AKT3: variants seen among roughly 807,000 people sequenced by gnomAD.
AKT3 encodes AKT serine/threonine kinase 3, also known as RAC-gamma serine/threonine-protein kinase.
In AKT3, 15 loss-of-function variants were observed where a neutral mutation model predicts 65.3. That is an observed-to-expected ratio of 0.23 (90% CI 0.15 to 0.35). The LOEUF (loss-of-function observed/expected upper bound fraction) is 0.35. Ranked by LOEUF, AKT3 falls within the 10% of genes least tolerant of loss-of-function variation. The probability of loss-of-function intolerance (pLI) is 1.00; values close to 1 mark genes in which losing one functional copy is unlikely to be tolerated. For missense variants in AKT3, 243 were observed against 576.5 expected, an observed-to-expected ratio of 0.42 and a Z score of 5.92; for synonymous variants, 206 against 183.8, an observed-to-expected ratio of 1.12 and a Z score of -0.98.
At chr1:243,507,200 C>T (rs1669724008) in intron 13 of AKT3, among the ~76,000 whole-genome samples, 2 of 152,232 alleles carry the variant, frequency 1.3e-5, no homozygotes, top group Admixed American at 1.3e-4. Context: ...GGCCAGGACT[C>T]ATTCCAGCCC....
At chr1:243,553,322 G>C (rs1172008125) in intron 10 of AKT3, among the ~76,000 whole-genome samples, 1 of 152,196 alleles carries the variant, frequency 6.6e-6, no homozygotes, top group Non-Finnish European at 1.5e-5. Context: ...ACAACTCAGA[G>C]CTAGGGTGTG....
intron 4 of AKT3, among the ~76,000 whole-genome samples, chr1:243,659,732 A>G (rs1682130961): frequency 6.6e-6 from 1 of 152,232 alleles, no homozygotes; most frequent in Admixed American, 6.5e-5. Flanking sequence ...AAATAAATAT[A>G]AGACAGGTGA....
chr1:243,827,422 C>A (rs1220385056), intron 2 of AKT3, among the ~76,000 whole-genome samples: 2 of 152,080 alleles, frequency 1.3e-5, no homozygotes, highest in African/African-American at 4.8e-5. Flanking sequence ...AATTAAGATA[C>A]CCTCTGCCCT....
intron 4 of AKT3, among the ~76,000 whole-genome samples, chr1:243,656,176 C>A (rs1369174894): frequency 6.6e-6 from 1 of 151,902 alleles, no homozygotes; most frequent in Non-Finnish European, 1.5e-5. Flanking sequence ...AAGAGGGCAT[C>A]CAATCTTTTT....
intron 2 of AKT3, among the ~76,000 whole-genome samples, chr1:243,804,046 A>G (rs939987371): frequency 2.0e-5 from 3 of 152,034 alleles, no homozygotes; most frequent in Admixed American, 6.6e-5. Context: ...GCAGAAGAAG[A>G]CCCTTGACAT....
intron 10 of AKT3, among the ~76,000 whole-genome samples, chr1:243,562,495 A>T (rs988060527): frequency 1.3e-5 from 2 of 152,184 alleles, no homozygotes; most frequent in African/African-American, 4.8e-5. Flanking sequence ...TTATAAAAAT[A>T]TCTGTGAAAT....
chr1:243,667,533 T>A (rs1428020860), intron 3 of AKT3, among the ~76,000 whole-genome samples: 1 of 152,194 alleles, frequency 6.6e-6, no homozygotes, highest in African/African-American at 2.4e-5. Flanking sequence ...CATAACCAGC[T>A]TCTGATAACT....
At chr1:243,783,872 T>A (rs1257666996) in intron 2 of AKT3, among the ~76,000 whole-genome samples, 1 of 152,146 alleles carries the variant, frequency 6.6e-6, no homozygotes, top group Non-Finnish European at 1.5e-5. Flanking sequence ...GCTAGTATTA[T>A]AAATAAACCC....
At position 243,630,464 on chromosome 1, in the gene AKT3, G is replaced by C. The variant is rs546179188; in HGVS notation, c.561+7147C>G. ...GGACAGATATTCCCACTCAGAAAGG[G>C]AGAAATTGGAAGAAATAAAAACATC... is the stretch of plus-strand genomic sequence containing the variant. On this transcript the variant is annotated intron_variant, in intron 6 of 13. Coordinates refer to ENST00000673466, the MANE Select transcript of AKT3 (RefSeq NM_005465.7). 3.4e-4 allele frequency among the ~76,000 whole-genome samples: 52 copies of C among 152,282 alleles called. 1 individual carries two copies. The highest frequency in any genetic ancestry group is 1.2e-3 in the African/African-American group (48 of 41,544).
At chr1:243,784,374 A>C (rs966260969) in intron 2 of AKT3, among the ~76,000 whole-genome samples, 5 of 152,032 alleles carry the variant, frequency 3.3e-5, no homozygotes, top group African/African-American at 1.2e-4. Flanking sequence ...CCAGGGGTCA[A>C]TCCAGGTTTT....
chr1:243,688,832 T>TG (rs1317219795), intron 3 of AKT3, among the ~76,000 whole-genome samples: 1 of 152,172 alleles, frequency 6.6e-6, no homozygotes. Flanking sequence ...TGAGCTTTTT[T>TG]TTTTCCTCCA....
In AKT3 at chr1:243,533,976, C is replaced by T. The variant is rs930576244; in HGVS notation, c.1251+11534G>A. Among the ~76,000 whole-genome samples the T allele has an allele frequency of 2.6e-5, 4 of 152,080 alleles. No individual in the cohort carries two copies. In the East Asian group the frequency reaches 7.7e-4, roughly 29 times the overall value. ...CTGCACTCCAGCCTGGGCAACAGAG[C>T]GAGACTCCGTTTCCAAAAACAAAAA... On this transcript the variant is annotated intron_variant, in intron 12 of 13. Coordinates refer to ENST00000673466, the MANE Select transcript of AKT3 (RefSeq NM_005465.7).
At chr1:243,701,776 T>C (rs1331621928) in intron 2 of AKT3, among the ~76,000 whole-genome samples, 2 of 138,902 alleles carry the variant, frequency 1.4e-5, no homozygotes, top group East Asian at 1.9e-4. Flanking sequence ...CTCAAACTTG[T>C]TGTAACATAG....
In AKT3 at chr1:243,662,613, G is replaced by A. The variant is rs574252836; in HGVS notation, c.284+2159C>T. Among the ~76,000 whole-genome samples the A allele has an allele frequency of 6.4e-4, 96 of 150,988 alleles. No homozygotes were observed. In the East Asian group the frequency reaches 0.016, roughly 25 times the overall value. ...GGAGATATATCTAATGCTAGATGAC[G>A]AGTTAGTGGGTGCAGCGCACCAGCA... On this transcript the variant is annotated intron_variant, in intron 4 of 13. Transcript: ENST00000673466.
rs574575047 is a variant in AKT3 at position 243,514,752 on chromosome 1, GA to G, written c.1252-2327del. ...GACGTGGAAGGATCACTTCAGCCCA[GA>G]AGGCAGAGGTTGCTGTGAGCCAAGA... On this transcript the variant is annotated intron_variant, in intron 12 of 13. Transcript: ENST00000673466. Among the ~76,000 whole-genome samples the G allele has an allele frequency of 5.3e-5, 8 of 152,270 alleles. No homozygotes were observed. In the East Asian group the frequency reaches 9.7e-4, roughly 18 times the overall value.
At chr1:243,838,747 G>A (rs1226119754) in intron 2 of AKT3, among the ~76,000 whole-genome samples, 1 of 152,028 alleles carries the variant, frequency 6.6e-6, no homozygotes, top group Non-Finnish European at 1.5e-5. Context: ...TACCGACACT[G>A]TAGTTCATCT....
chr1:243,599,796 C>G (rs564814659), intron 8 of AKT3, among the ~76,000 whole-genome samples: 1 of 152,062 alleles, frequency 6.6e-6, no homozygotes, highest in African/African-American at 2.4e-5. Context: ...TGCTCTTATC[C>G]TGCTCTTTAA....
At chr1:243,669,883 C>G (rs1257201038) in intron 3 of AKT3, among the ~76,000 whole-genome samples, 1 of 152,124 alleles carries the variant, frequency 6.6e-6, no homozygotes, top group Non-Finnish European at 1.5e-5. Context: ...AACATAATGA[C>G]TAAGTAGTTA....
intron 4 of AKT3, among the ~76,000 whole-genome samples, chr1:243,659,803 TAG>T (rs1558692431): frequency 2.6e-5 from 4 of 152,212 alleles, no homozygotes; most frequent in African/African-American, 4.8e-5. Context: ...ATATTAAAAA[TAG>T]AGAGTTTTTC....
Sources: allele counts gnomAD v4.1 joint callset (sites outside exome capture counted in the v4.1 genomes callset), GRCh38; gene constraint gnomAD v4.1.1; transcripts MANE v1.5; gene names NCBI Gene and HGNC (gene_info 2026-07-23, HGNC 2026-07-21).